Variants in AP3B1 observed in about 807,000 individuals in gnomAD.
AP3B1 encodes AP-3 complex subunit beta-1.
A neutral mutation model predicts 132.5 loss-of-function variants in AP3B1; 61 were observed. That is an observed-to-expected ratio of 0.46 (90% CI 0.37 to 0.57). AP3B1 has a LOEUF of 0.57. AP3B1 is among the 20% of genes least tolerant of loss of function. The pLI, the probability that AP3B1 is intolerant of heterozygous loss-of-function variation, is 0.00. For synonymous variants in AP3B1, 388 were observed against 438.3 expected (o/e 0.89, Z 1.43); for missense variants, 1,120 against 1,289.4 (o/e 0.87, Z 2.01).
chr5:78,211,003 A>G (rs1745712892), intron 7 of AP3B1, among the ~76,000 whole-genome samples: 1 of 152,174 alleles, frequency 6.6e-6, no homozygotes, highest in Non-Finnish European at 1.5e-5. Context: ...AACAACCCAC[A>G]TGGACTGCAA....
chr5:78,017,992 A>G (rs1746925763), intron 25 of AP3B1, among the ~76,000 whole-genome samples: 1 of 151,978 alleles, frequency 6.6e-6, no homozygotes, highest in Non-Finnish European at 1.5e-5. Context: ...ATTCACAAGA[A>G]GAAAATGAAT....
At chr5:78,183,190 A>T (rs1744441620) in intron 7 of AP3B1, among the ~76,000 whole-genome samples, 1 of 152,158 alleles carries the variant, frequency 6.6e-6, no homozygotes, top group African/African-American at 2.4e-5. Flanking sequence ...CAATGAGTAA[A>T]ATCCCTCTGA....
chr5:78,267,329 G>A (rs1385795840), intron 2 of AP3B1, among the ~76,000 whole-genome samples, 191 bp downstream of exon 2: 1 of 151,872 alleles, frequency 6.6e-6, no homozygotes, highest in Non-Finnish European at 1.5e-5. Flanking sequence ...TAAAACCTAA[G>A]TTTCTTGATT....
chr5:78,171,165 C>T (rs1033964836), intron 11 of AP3B1, among the ~76,000 whole-genome samples: 2 of 152,098 alleles, frequency 1.3e-5, no homozygotes, highest in African/African-American at 2.4e-5. Flanking sequence ...AGTCAGGCAG[C>T]GTGATGCCTC....
chr5:78,118,318 T>C (rs1751957798), intron 17 of AP3B1, among the ~76,000 whole-genome samples: 1 of 152,062 alleles, frequency 6.6e-6, no homozygotes, highest in South Asian at 2.1e-4. Flanking sequence ...TTCATCTCAC[T>C]AGAGAGTGCC....
chr5:78,135,163 G>A (rs1752858968), intron 15 of AP3B1, among the ~76,000 whole-genome samples: 1 of 152,116 alleles, frequency 6.6e-6, no homozygotes, highest in Admixed American at 6.6e-5. Context: ...TAAAACATCA[G>A]TGTGATTTAC....
chr5:78,260,581 G>A (rs4277897), intron 2 of AP3B1, among the ~76,000 whole-genome samples: 35,493 of 151,540 alleles, frequency 0.23, 5,071 homozygotes, highest in Non-Finnish European at 0.32. Context: ...GCCACGGAGC[G>A]AGACTCCATC....
rs527413420 is a variant in AP3B1 at position 78,096,976 on chromosome 5, C to T, written c.2470+3977G>A. On this transcript the variant is annotated intron_variant, in intron 21 of 26. Transcript: ENST00000255194. Reference sequence around the variant, plus strand: ...GCCCCTACTGGGAAGTGAGGAGTCCCTCTGCCCGGCCAGCCGCCCTGTCCG... The same window carrying T: ...GCCCCTACTGGGAAGTGAGGAGTCCTTCTGCCCGGCCAGCCGCCCTGTCCG... 4.3e-5 allele frequency among the ~76,000 whole-genome samples: 6 copies of T among 141,040 alleles called. No homozygotes were observed. In the East Asian group the frequency reaches 6.5e-4, roughly 15 times the overall value. 92.5% of individuals were successfully genotyped at this position (141,040 alleles called of 152,430 possible).
chr5:78,007,416 T>C (rs1386907478), intron 26 of AP3B1, among the ~76,000 whole-genome samples: 2 of 151,542 alleles, frequency 1.3e-5, no homozygotes, highest in Non-Finnish European at 2.9e-5. Context: ...GCTGTGACAA[T>C]GACCCACTCA....
chr5:78,208,813 G>A (rs1338931213), intron 7 of AP3B1, among the ~76,000 whole-genome samples: 1 of 152,020 alleles, frequency 6.6e-6, no homozygotes, highest in African/African-American at 2.4e-5. Flanking sequence ...AATTTAAAAT[G>A]AAGCAATTTT....
chr5:78,215,961 C>G, intron 7 of AP3B1, 94 bp downstream of exon 7: 2 of 1,170,556 alleles, frequency 1.7e-6, no homozygotes, highest in Non-Finnish European at 2.5e-6. Context: ...ATGCAGATTT[C>G]TCTAGTTTAC....
chr5:78,152,950 C>G (rs983988841), intron 14 of AP3B1, among the ~76,000 whole-genome samples: 1 of 152,068 alleles, frequency 6.6e-6, no homozygotes, highest in Non-Finnish European at 1.5e-5. Flanking sequence ...TGTTTTGTGA[C>G]CTAACATATG....
At chr5:78,193,764 A>ATT (rs1419109983) in intron 7 of AP3B1, among the ~76,000 whole-genome samples, 25 of 104,972 alleles carry the variant, frequency 2.4e-4, no homozygotes, top group African/African-American at 8.3e-4. Flanking sequence ...ATATATATAT[A>ATT]TATATATTTT....
rs1753524309 is a variant in AP3B1 at position 78,148,865 on chromosome 5, G to C, written c.1473+7393C>G. Among the ~76,000 whole-genome samples, 3 of 152,156 alleles carry C rather than the reference G, an allele frequency of 2.0e-5. No homozygotes were observed. The South Asian group carries it at 6.2e-4, about 32-fold the overall frequency. On this transcript the variant is annotated intron_variant, in intron 14 of 26. Transcript: ENST00000255194. ...TTCATTAGCTATTGGTTAGACAAGT[G>C]GTTCTTCCTGGGGGCTGTATCACTT...
chr5:78,122,959 A>G (rs1347621426), intron 17 of AP3B1, among the ~76,000 whole-genome samples: 4 of 152,382 alleles, frequency 2.6e-5, no homozygotes, highest in South Asian at 2.1e-4. Context: ...CTACAAGTCT[A>G]CAGTAACCAA....
At chr5:78,037,889 A>G (rs954568681) in intron 23 of AP3B1, among the ~76,000 whole-genome samples, 2 of 152,074 alleles carry the variant, frequency 1.3e-5, no homozygotes, top group Admixed American at 6.5e-5. Context: ...TACAAAAACC[A>G]AAAAGAAAGA....
At chr5:78,269,752 G>C (rs1748472320) in intron 1 of AP3B1, among the ~76,000 whole-genome samples, 2 of 152,164 alleles carry the variant, frequency 1.3e-5, no homozygotes, top group South Asian at 4.1e-4. Flanking sequence ...AACCCATGAG[G>C]AGATAGGTAC....
intron 21 of AP3B1, among the ~76,000 whole-genome samples, chr5:78,096,646 G>T (rs1427645888): frequency 6.6e-5 from 10 of 151,420 alleles, no homozygotes; most frequent in African/African-American, 2.4e-4. Flanking sequence ...TGTGAGGAGC[G>T]CCTCTGCCCG....
At chr5:78,222,474 G>A (rs1746220843) in intron 6 of AP3B1, 1 of 152,200 alleles carries the variant, frequency 6.6e-6, no homozygotes, top group African/African-American at 2.4e-5. Flanking sequence ...TGCAATATCT[G>A]GTAGTCCATT....
Sources: allele counts gnomAD v4.1 joint callset (sites outside exome capture counted in the v4.1 genomes callset), GRCh38; gene constraint gnomAD v4.1.1; transcripts MANE v1.5; gene names NCBI Gene and HGNC (gene_info 2026-07-23, HGNC 2026-07-21).